The following ERICH3 variants were observed in gnomAD, a reference collection of about 807,000 sequenced individuals.
The protein encoded by ERICH3 is glutamate-rich protein 3.
A neutral mutation model predicts 131.1 loss-of-function variants in ERICH3; 126 were observed. The ratio of observed to expected loss-of-function variants is 0.96; its 90% CI spans 0.83 to 1.11. ERICH3 has a LOEUF of 1.11. Ranked by LOEUF, ERICH3 falls within the 50% of genes most tolerant of loss-of-function variation. The pLI is 0.00. For synonymous variants in ERICH3, 695 were observed against 644.6 expected (o/e 1.08, Z -1.18); for missense variants, 2,050 against 1,810.7 (o/e 1.13, Z -2.40).
intron 1 of ERICH3, among the ~76,000 whole-genome samples, chr1:74,669,993 A>G (rs557673241): frequency 2.0e-5 from 3 of 152,304 alleles, no homozygotes; most frequent in Admixed American, 1.3e-4. Flanking sequence ...GAAACCTTTT[A>G]TTTGCTACTG....
intron 9 of ERICH3, among the ~76,000 whole-genome samples, chr1:74,609,486 T>C (rs575533028): frequency 1.3e-4 from 20 of 152,038 alleles, no homozygotes; most frequent in Non-Finnish European, 2.8e-4. Flanking sequence ...CAGAAGGTAA[T>C]AACCTTTGGG....
chr1:74,638,851 T>A (rs1292513654), intron 5 of ERICH3, among the ~76,000 whole-genome samples: 2 of 152,122 alleles, frequency 1.3e-5, no homozygotes, highest in African/African-American at 2.4e-5. Context: ...CACCCTAAGT[T>A]TGGCAGATCA....
chr1:74,579,172 G>C (rs1425582178), intron 12 of ERICH3, among the ~76,000 whole-genome samples: 1 of 152,050 alleles, frequency 6.6e-6, no homozygotes, highest in Non-Finnish European at 1.5e-5. Flanking sequence ...TGTATATCTA[G>C]ACAGTTCAAA....
Position 74,631,828 on chromosome 1 carries a change from G to A in ERICH3, c.704C>T (p.Pro235Leu), listed in dbSNP as rs1646341423. The change falls in exon 7 of 15, where the codon CCT becomes CTT. Residue 235 changes from proline (P) to leucine (L), a missense_variant. By Grantham distance (98) the Pro-to-Leu change is moderately conservative. Transcript: ENST00000326665. ...TTTCCCAGTTGGGGGAAGTGGAGGA[G>A]GAATAGGCATCATGTAACTGTTAAT... ...PNINSYMMPIPPPLPPTGKIT... is the reference protein window; with the variant it reads ...PNINSYMMPILPPLPPTGKIT... 3.1e-6 allele frequency: 5 copies of A among 1,613,266 alleles called. No homozygotes were observed. Among genetic ancestry groups the A allele is most frequent in the Non-Finnish European group, 4.2e-6 (5 of 1,179,490 alleles).
chr1:74,672,491 A>G (rs1044157140), intron 1 of ERICH3, among the ~76,000 whole-genome samples: 2 of 152,236 alleles, frequency 1.3e-5, no homozygotes, highest in African/African-American at 4.8e-5. Context: ...AATTCATTAA[A>G]AAGTAAAATC....
intron 11 of ERICH3, among the ~76,000 whole-genome samples, chr1:74,592,698 T>A (rs1164993234): frequency 6.6e-6 from 1 of 152,146 alleles, no homozygotes; most frequent in African/African-American, 2.4e-5. Flanking sequence ...AGGAGAAAGA[T>A]CAGGAGAATG....
At chr1:74,639,710 C>T (rs1000575692) in intron 5 of ERICH3, among the ~76,000 whole-genome samples, 67 of 152,028 alleles carry the variant, frequency 4.4e-4, no homozygotes, top group Non-Finnish European at 7.4e-5. Flanking sequence ...GGGAGTGGTA[C>T]AGCTAAAAAT....
chr1:74,660,131 G>GA, intron 1 of ERICH3, among the ~76,000 whole-genome samples: 1 of 152,040 alleles, frequency 6.6e-6, no homozygotes, highest in Non-Finnish European at 1.5e-5. Context: ...GAGATCTGAT[G>GA]GCTTTATAAG....
intron 7 of ERICH3, chr1:74,621,969 A>G (rs1649240540): frequency 6.6e-6 from 1 of 152,192 alleles, no homozygotes; most frequent in African/African-American, 2.4e-5. Flanking sequence ...GCTAGACAAA[A>G]AATGTGCAGA....
chr1:74,647,577 CT>C (rs774704546), intron 2 of ERICH3, among the ~76,000 whole-genome samples: 1 of 151,996 alleles, frequency 6.6e-6, no homozygotes, highest in Non-Finnish European at 1.5e-5. Context: ...TTTTTCTTTT[CT>C]TTAATTCTTC....
intron 13 of ERICH3, among the ~76,000 whole-genome samples, chr1:74,575,304 G>C (rs1438338262): frequency 4.6e-5 from 7 of 152,218 alleles, no homozygotes; most frequent in Non-Finnish European, 8.8e-5. Context: ...AATGTGTTTG[G>C]AAGGTAATTT....
intron 1 of ERICH3, among the ~76,000 whole-genome samples, chr1:74,664,312 A>G (rs1038023194): frequency 1.4e-4 from 2 of 14,810 alleles, no homozygotes; most frequent in African/African-American, 8.0e-4. Flanking sequence ...AGGAAGATTA[A>G]AAAAAAAAAA....
In ERICH3 at chr1:74,572,172, C is replaced by T; in HGVS notation, c.3538G>A (p.Glu1180Lys). ...ITALRKEGGG[E>K]RLSEARDTEH... is the part of the protein sequence containing the mutation. The stretch of plus-strand genomic sequence containing the variant: ...GTGTCTCTGGCTTCACTCAGTCTTT[C>T]CCCTCCTCCTTCTTTCCTCAGAGCT... Residue 1180 changes from glutamate (E) to lysine (K), a missense_variant, in exon 14 of 15, where the codon GAA (glutamate) becomes AAA (lysine). Transcript: ENST00000326665. 1 of 1,611,468 alleles carries T rather than the reference C, an allele frequency of 6.2e-7. No individual in the cohort carries two copies. Among genetic ancestry groups the T allele is most frequent in the Non-Finnish European group, 8.5e-7 (1 of 1,179,004 alleles).
At chr1:74,586,129 A>G (rs1021917538) in intron 12 of ERICH3, among the ~76,000 whole-genome samples, 1 of 152,122 alleles carries the variant, frequency 6.6e-6, no homozygotes, top group Non-Finnish European at 1.5e-5. Flanking sequence ...GTTCTTACAC[A>G]GAAGGCAACA....
At chr1:74,602,503 C>T (rs1258715690) in intron 10 of ERICH3, among the ~76,000 whole-genome samples, 3 of 151,928 alleles carry the variant, frequency 2.0e-5, no homozygotes, top group South Asian at 2.1e-4. Flanking sequence ...TGAGTCAACA[C>T]GGGGTCAACA....
intron 11 of ERICH3, among the ~76,000 whole-genome samples, chr1:74,594,012 C>T (rs1647727196): frequency 6.6e-6 from 1 of 152,016 alleles, no homozygotes; most frequent in Admixed American, 6.6e-5. Flanking sequence ...AATCAGAACT[C>T]ATGAAATGTG....
intron 5 of ERICH3, 147 bp from the exon 6 acceptor site, chr1:74,636,585 A>G: frequency 2.6e-6 from 2 of 777,744 alleles, no homozygotes; most frequent in South Asian, 4.8e-5. Context: ...TCCATTATAC[A>G]TACCCTTATG....
intron 12 of ERICH3, among the ~76,000 whole-genome samples, chr1:74,578,842 T>A (rs1254377186): frequency 6.6e-6 from 1 of 152,168 alleles, no homozygotes; most frequent in Admixed American, 6.6e-5. Flanking sequence ...TACTGACCCC[T>A]CTGTATTTGG....
rs1272002823 is a variant in ERICH3, at chr1:74,641,589, A to C, written c.316-130T>G. 5.2e-6 allele frequency: 6 copies of C among 1,144,112 alleles called. No homozygotes were observed. In the East Asian group the frequency reaches 1.4e-4, roughly 26 times the overall value. The allele number at this position is 1,144,112 out of a possible 1,614,324, so 70.9% of individuals were successfully genotyped here. A position where few individuals can be genotyped will look rare whatever the true frequency, so the allele number is the denominator to read the frequency against. On this transcript the variant is annotated intron_variant, in intron 4 of 14. Coordinates refer to ENST00000326665, the MANE Select transcript of ERICH3 (RefSeq NM_001002912.5). The stretch of plus-strand genomic sequence containing the variant: ...ATTTCTTCCAAGAGTTACTTTTGTT[A>C]AGGAGTTAGGTGTGGTGGTAAGGCA...
Sources: allele counts gnomAD v4.1 joint callset (sites outside exome capture counted in the v4.1 genomes callset), GRCh38; gene constraint gnomAD v4.1.1; transcripts MANE v1.5; gene names NCBI Gene and HGNC (gene_info 2026-07-23, HGNC 2026-07-21).